NELL2: variants seen among roughly 807,000 people sequenced by gnomAD.
NELL2 encodes the protein neural EGFL like 2.
Under a neutral mutation model 109.6 loss-of-function variants are expected in NELL2, and 41 were observed. That is an observed-to-expected ratio of 0.37 (90% CI 0.29 to 0.49). The LOEUF (loss-of-function observed/expected upper bound fraction) is 0.49. Among genes scored for constraint, NELL2 ranks in the 20% least tolerant of loss-of-function variants. The pLI is 0.98. For missense variants in NELL2, 900 were observed against 1,008.3 expected (o/e 0.89, Z 1.45); for synonymous variants, 355 against 344.7 (o/e 1.03, Z -0.33).
At chr12:44,898,884 T>A (rs1945625723) in intron 1 of NELL2, among the ~76,000 whole-genome samples, 1 of 150,510 alleles carries the variant, frequency 6.6e-6, no homozygotes. Flanking sequence ...AACTGCTAAC[T>A]AGAATAAGCA....
intron 9 of NELL2, among the ~76,000 whole-genome samples, chr12:44,765,669 G>A (rs1941299525): frequency 6.6e-6 from 1 of 152,186 alleles, no homozygotes; most frequent in Non-Finnish European, 1.5e-5. Flanking sequence ...TCCTAAATTG[G>A]AAGAAGCTCC....
intron 9 of NELL2, among the ~76,000 whole-genome samples, chr12:44,769,307 T>C (rs1941454751): frequency 6.6e-6 from 1 of 152,160 alleles, no homozygotes; most frequent in South Asian, 2.1e-4. Flanking sequence ...TCTTACTTTT[T>C]ATTATTTAAT....
chr12:44,665,604 C>T lies in NELL2; in HGVS notation c.1324G>A (p.Asp442Asn), dbSNP rs150491663. 4.2e-5 allele frequency: 68 copies of T among 1,611,716 alleles called. No homozygotes were observed. In the African/African-American group the frequency reaches 5.2e-4, roughly 12 times the overall value. ...TAATGGCGCCCTTCAGCACACTCAT[C>T]GATGTCTGTGAAGAAAAACAGGACA... Reference protein sequence around the residue: ...REDNAYCEDIDECAEGRHYCR... With the variant: ...REDNAYCEDINECAEGRHYCR... Residue 442 changes from aspartate to asparagine, a missense_variant, in exon 13 of 20, where the codon GAT becomes AAT. Asp to Asn is a conservative substitution (Grantham distance 23). Coordinates refer to ENST00000429094, the MANE Select transcript of NELL2 (RefSeq NM_001145108.2).
intron 9 of NELL2, among the ~76,000 whole-genome samples, chr12:44,740,866 G>A (rs551884495): frequency 6.6e-6 from 1 of 152,282 alleles, no homozygotes; most frequent in African/African-American, 2.4e-5. Context: ...CAGCACATGG[G>A]TAATAGATAA....
chr12:44,697,723 A>G (rs1456850829), intron 12 of NELL2, among the ~76,000 whole-genome samples: 1 of 152,168 alleles, frequency 6.6e-6, no homozygotes, highest in East Asian at 1.9e-4. Flanking sequence ...GATAAAAATC[A>G]AGCAGAGTCT....
intron 1 of NELL2, among the ~76,000 whole-genome samples, chr12:44,895,329 A>G (rs565357877): frequency 6.6e-6 from 1 of 152,320 alleles, no homozygotes; most frequent in African/African-American, 2.4e-5. Context: ...AACAAAACGC[A>G]AGAGTTGAAA....
chr12:44,791,048 C>T (rs377447703), intron 3 of NELL2, among the ~76,000 whole-genome samples: 6 of 112,510 alleles, frequency 5.3e-5, no homozygotes, highest in Admixed American at 4.0e-4. Flanking sequence ...GAGATAGACA[C>T]CAAGAAGAAA....
At chr12:44,691,910 GC>G (rs994704484) in intron 12 of NELL2, among the ~76,000 whole-genome samples, 2 of 152,166 alleles carry the variant, frequency 1.3e-5, no homozygotes, top group African/African-American at 4.8e-5. Context: ...AAGGAAAGAA[GC>G]CATCTCTATA....
intron 2 of NELL2, among the ~76,000 whole-genome samples, chr12:44,847,350 TTAAG>T (rs1227526217): frequency 6.6e-6 from 1 of 152,224 alleles, no homozygotes. Context: ...TGTACATTCC[TTAAG>T]TATTATAATC....
At chr12:44,572,391 C>T (rs1943908796) in intron 15 of NELL2, among the ~76,000 whole-genome samples, 1 of 152,070 alleles carries the variant, frequency 6.6e-6, no homozygotes, top group Non-Finnish European at 1.5e-5. Context: ...CTCAAGCTTT[C>T]CTCCCACCTT....
At chr12:44,845,398 T>C (rs1194318986) in intron 2 of NELL2, among the ~76,000 whole-genome samples, 2 of 152,160 alleles carry the variant, frequency 1.3e-5, no homozygotes, top group African/African-American at 4.8e-5. Flanking sequence ...GTATAGTGCA[T>C]AGCGTACAGT....
intron 18 of NELL2, among the ~76,000 whole-genome samples, chr12:44,520,656 CAAGAA>C (rs1565863288): frequency 6.6e-6 from 1 of 151,742 alleles, no homozygotes; most frequent in Non-Finnish European, 1.5e-5. Context: ...TGTCCATTTA[CAAGAA>C]AATAAACTAA....
At chr12:44,876,940 CGGCGCGGAGAGCTTCCCG>C (rs1945345593), upstream of NELL2, 7 of 1,201,332 alleles carry the variant, frequency 5.8e-6, no homozygotes, top group East Asian at 3.4e-5. Context: ...AGAGCTTCCC[CGGCGCGGAGAGCTTCCCG>C]GGCGCGGAGA....
At chr12:44,811,395 G>A (rs1943175486) in intron 3 of NELL2, among the ~76,000 whole-genome samples, 1 of 146,692 alleles carries the variant, frequency 6.8e-6, no homozygotes, top group Admixed American at 6.7e-5. Flanking sequence ...CAAAAAACTG[G>A]CACAAATTTT....
intron 13 of NELL2, among the ~76,000 whole-genome samples, chr12:44,649,661 T>C (rs1258411232): frequency 6.6e-6 from 1 of 152,224 alleles, no homozygotes; most frequent in Non-Finnish European, 1.5e-5. Flanking sequence ...CCTCAAGCTT[T>C]ATGTGTATTC....
chr12:44,856,173 G>T (rs1876240), intron 2 of NELL2, among the ~76,000 whole-genome samples: 25,121 of 152,144 alleles, frequency 0.17, 2,475 homozygotes, highest in Middle Eastern at 0.28. Flanking sequence ...ATCTAGTCAA[G>T]AAGTCAAGCA....
At chr12:44,772,270 TACAC>T (rs374467326) in intron 9 of NELL2, among the ~76,000 whole-genome samples, 1 of 152,024 alleles carries the variant, frequency 6.6e-6, no homozygotes, top group Non-Finnish European at 1.5e-5. Context: ...GCAATGGTGA[TACAC>T]ACACACACGC....
intron 13 of NELL2, among the ~76,000 whole-genome samples, chr12:44,637,051 T>C (rs1178585714): frequency 6.6e-6 from 1 of 152,156 alleles, no homozygotes; most frequent in African/African-American, 2.4e-5. Flanking sequence ...GAGGTGTTTA[T>C]AGTATTCTCT....
chr12:44,753,563 A>G (rs1195399492), intron 9 of NELL2, among the ~76,000 whole-genome samples: 1 of 152,226 alleles, frequency 6.6e-6, no homozygotes, highest in Non-Finnish European at 1.5e-5. Flanking sequence ...GTGAAATGCC[A>G]TATAAATAAT....
Sources: gnomAD v4.1 joint callset for allele counts (sites outside exome capture counted in the v4.1 genomes callset) on GRCh38, gnomAD v4.1.1 for gene constraint, MANE v1.5 for transcripts, NCBI Gene and HGNC (gene_info 2026-07-23, HGNC 2026-07-21) for gene names.